IGBP1C: variants seen among roughly 807,000 people sequenced by gnomAD.
IGBP1C encodes the protein immunoglobulin-binding protein 1 family member C.
the IGBP1C span, among the ~76,000 whole-genome samples, chr17:58,682,456 C>T: frequency 5.9e-5 from 9 of 151,674 alleles, no homozygotes; most frequent in African/African-American, 2.2e-4. Flanking sequence ...TGGGTTTTTG[C>T]CATGTTGGCG....
the IGBP1C span, among the ~76,000 whole-genome samples, chr17:58,666,290 G>A: frequency 6.6e-6 from 1 of 151,884 alleles, no homozygotes; most frequent in Non-Finnish European, 1.5e-5. Context: ...GGAGGCTGCG[G>A]TGAGCCGAGA....
the IGBP1C span, among the ~76,000 whole-genome samples, chr17:58,688,062 A>G: frequency 2.0e-5 from 3 of 152,192 alleles, no homozygotes; most frequent in Non-Finnish European, 4.4e-5. Flanking sequence ...ATCAAGTCAA[A>G]GAAAATAAAA....
chr17:58,689,050 C>T, the IGBP1C span, among the ~76,000 whole-genome samples: 2 of 152,028 alleles, frequency 1.3e-5, no homozygotes, highest in African/African-American at 4.8e-5. Context: ...CCTGCCTCAG[C>T]CTCCCAAGTA....
the IGBP1C span, among the ~76,000 whole-genome samples, chr17:58,667,458 G>C: frequency 3.7e-3 from 560 of 152,206 alleles, 1 homozygote; most frequent in Non-Finnish European, 5.7e-3. Flanking sequence ...AAACCCTAAA[G>C]CAAACCAAGA....
the IGBP1C span, among the ~76,000 whole-genome samples, chr17:58,686,860 C>CTTTT: frequency 7.3e-6 from 1 of 136,824 alleles, no homozygotes; most frequent in African/African-American, 2.7e-5. Context: ...TGAAAGGTCA[C>CTTTT]CTTTTTTTTT....
chr17:58,660,837 T>C, the IGBP1C span: 105 of 786,414 alleles, frequency 1.3e-4, no homozygotes, highest in South Asian at 1.4e-3. Flanking sequence ...CCAAATACTT[T>C]GGCTTGCGCC....
chr17:58,684,180 C>T, the IGBP1C span, among the ~76,000 whole-genome samples: 747 of 150,712 alleles, frequency 5.0e-3, 4 homozygotes, highest in African/African-American at 6.5e-3. Flanking sequence ...TGCTTCCGCC[C>T]GGCATGGTGA....
At chr17:58,666,820 T>A in the IGBP1C span, 2 of 152,218 alleles carry the variant, frequency 1.3e-5, no homozygotes, top group South Asian at 4.1e-4. Context: ...ACAGATTTTT[T>A]ATACTATATC....
the IGBP1C span, among the ~76,000 whole-genome samples, chr17:58,673,813 T>A: frequency 5.3e-5 from 8 of 152,080 alleles, no homozygotes; most frequent in Non-Finnish European, 1.5e-5. Context: ...GCTCAGGCGA[T>A]CCTCCCACCC....
the IGBP1C span, among the ~76,000 whole-genome samples, chr17:58,662,538 A>C: frequency 6.6e-6 from 1 of 152,108 alleles, no homozygotes; most frequent in African/African-American, 2.4e-5. Context: ...CCCTCAGTAC[A>C]GAATGTTATT....
chr17:58,691,923 G>A, the IGBP1C span: 9 of 152,620 alleles, frequency 5.9e-5, no homozygotes, highest in African/African-American at 2.2e-4. Context: ...CACTAATGGG[G>A]ACATTAGTTG....
the IGBP1C span, among the ~76,000 whole-genome samples, chr17:58,689,615 C>T: frequency 6.6e-6 from 1 of 152,156 alleles, no homozygotes; most frequent in Admixed American, 6.6e-5. Context: ...TAAACCATTT[C>T]AAATGACTTA....
the IGBP1C span, chr17:58,660,539 A>AG: frequency 2.7e-6 from 2 of 745,546 alleles, no homozygotes; most frequent in Non-Finnish European, 4.9e-6. Flanking sequence ...TTGGCGGGGA[A>AG]GGTGTGCACC....
At chr17:58,668,028 T>G in the IGBP1C span, among the ~76,000 whole-genome samples, 1 of 152,274 alleles carries the variant, frequency 6.6e-6, no homozygotes, top group South Asian at 2.1e-4. Flanking sequence ...CTAAGTCAAT[T>G]TAGCTGAAAC....
chr17:58,665,259 T>C, the IGBP1C span, among the ~76,000 whole-genome samples: 1 of 151,726 alleles, frequency 6.6e-6, no homozygotes, highest in Non-Finnish European at 1.5e-5. Context: ...CCCAAAGTAC[T>C]GGGATTACAA....
chr17:58,683,896 C>T, the IGBP1C span, among the ~76,000 whole-genome samples: 11 of 151,258 alleles, frequency 7.3e-5, no homozygotes, highest in Admixed American at 6.6e-4. Context: ...GAAACCCCAT[C>T]TCTACTAAAA....
chr17:58,674,914 G>C, the IGBP1C span, among the ~76,000 whole-genome samples: 22 of 151,620 alleles, frequency 1.5e-4, no homozygotes, highest in Non-Finnish European at 1.2e-4. Context: ...GGAGGCTGAG[G>C]GGGGGTGCAT....
At chr17:58,660,448 T>C in the IGBP1C span, 3 of 536,422 alleles carry the variant, frequency 5.6e-6, no homozygotes, top group Non-Finnish European at 1.0e-5. Flanking sequence ...TTTATTGAAC[T>C]CAAAGCAACA....
chr17:58,661,800 C>T, the IGBP1C span: 1 of 488,274 alleles, frequency 2.0e-6, no homozygotes, highest in East Asian at 3.3e-5. Context: ...TCCGGGTCTT[C>T]GTCAAACTTT....
Sources: gnomAD v4.1 joint callset for allele counts (sites outside exome capture counted in the v4.1 genomes callset) on GRCh38, gnomAD v4.1.1 for gene constraint, MANE v1.5 for transcripts, NCBI Gene and HGNC (gene_info 2026-07-23, HGNC 2026-07-21) for gene names.